Variants in CFAP52 observed in about 807,000 individuals in gnomAD.
The protein encoded by CFAP52 is cilia and flagella associated protein 52.
In CFAP52, 57 loss-of-function variants were observed where a neutral mutation model predicts 70.5. The ratio of observed to expected loss-of-function variants is 0.81; its 90% CI spans 0.65 to 1.01. The LOEUF (loss-of-function observed/expected upper bound fraction) is 1.01. Among genes scored for constraint, CFAP52 ranks in the 50% least tolerant of loss-of-function variants. The pLI, the probability that CFAP52 is intolerant of heterozygous loss-of-function variation, is 0.00. For missense variants in CFAP52, 785 were observed against 788.5 expected (o/e 1.00, Z 0.05); for synonymous variants, 267 against 292.5 (o/e 0.91, Z 0.89).
At chr17:9,622,336 C>A (rs1910073346) in intron 8 of CFAP52, among the ~76,000 whole-genome samples, 1 of 151,984 alleles carries the variant, frequency 6.6e-6, no homozygotes, top group African/African-American at 2.4e-5. Flanking sequence ...TAATTAAAGC[C>A]CAGGAGTTTG....
chr17:9,597,828 A>G (rs1909084001), intron 4 of CFAP52, among the ~76,000 whole-genome samples: 1 of 149,806 alleles, frequency 6.7e-6, no homozygotes, highest in African/African-American at 2.5e-5. Context: ...AGAGAGAGAG[A>G]GAAAGAGAGA....
rs1908441294 is a variant in CFAP52 at position 9,585,828 on chromosome 17, T to G, written c.126T>G (p.Pro42=). 5 of 1,614,092 alleles carry G rather than the reference T, an allele frequency of 3.1e-6. No homozygotes were observed. The highest frequency in any genetic ancestry group is 4.2e-6 in the Non-Finnish European group (5 of 1,180,036). Residue 42 remains proline (P), a synonymous_variant, in exon 2 of 14, where the codon CCT becomes CCG. Transcript: ENST00000352665. ...CTGACCAGGAGCATATGATTTATCCTCTTGGTTGCACAGTCCTCATTCAGG... is the reference window on the plus strand; with the variant it reads ...CTGACCAGGAGCATATGATTTATCCGCTTGGTTGCACAGTCCTCATTCAGG... ...CHPDQEHMIY[P]LGCTVLIQAI...
intron 1 of CFAP52, among the ~76,000 whole-genome samples, chr17:9,580,683 G>A (rs1187945342): frequency 1.3e-5 from 1 of 78,464 alleles, no homozygotes; most frequent in African/African-American, 3.7e-5. Flanking sequence ...AGTGAGACCT[G>A]GTCTCAAAAA....
rs1183878434 is a variant in CFAP52, at chr17:9,630,990, AAAAGAAAG to A, written c.1175-1864_1175-1857del. On this transcript the variant is annotated intron_variant, in intron 9 of 13. Coordinates refer to ENST00000352665, the MANE Select transcript of CFAP52 (RefSeq NM_145054.5). The stretch of plus-strand genomic sequence containing the variant: ...AACAGAGCCAGACTCCATCTCAAAA[AAAAGAAAG>A]AAAGAAAGAAAGAAAGAAAGAAAGA... Among the ~76,000 whole-genome samples, 15 of 97,580 alleles carry A rather than the reference AAAAGAAAG, an allele frequency of 1.5e-4. 1 individual carries two copies. The East Asian group carries it at 3.6e-3, about 24-fold the overall frequency. 64.0% of individuals were successfully genotyped at this position (97,580 alleles called of 152,430 possible).
At chr17:9,581,160 C>A (rs533183922) in intron 1 of CFAP52, among the ~76,000 whole-genome samples, 3 of 152,006 alleles carry the variant, frequency 2.0e-5, no homozygotes, top group Non-Finnish European at 4.4e-5. Context: ...ACTAAAAATA[C>A]CAAAAAATTA....
At chr17:9,615,933 C>T (rs1047131296) in intron 8 of CFAP52, among the ~76,000 whole-genome samples, 7 of 151,596 alleles carry the variant, frequency 4.6e-5, no homozygotes, top group Non-Finnish European at 1.0e-4. Flanking sequence ...AGGCATGAGC[C>T]ACTGCAGTCA....
intron 12 of CFAP52, chr17:9,639,254 A>G (rs1910947469): frequency 6.6e-6 from 1 of 152,386 alleles, no homozygotes; most frequent in East Asian, 1.9e-4. Context: ...ACATGGTGAA[A>G]CCCCATCTCT....
intron 6 of CFAP52, among the ~76,000 whole-genome samples, chr17:9,601,226 C>T (rs1270198917): frequency 1.4e-5 from 2 of 138,592 alleles, no homozygotes; most frequent in African/African-American, 5.5e-5. Context: ...AACACATGGA[C>T]CCGGGAAAGG....
At position 9,600,073 on chromosome 17, in the gene CFAP52, G is replaced by A. The variant is rs2151936283; in HGVS notation, c.643G>A (p.Asp215Asn). Residue 215 changes from aspartate (D) to asparagine (N), a missense_variant, in exon 6 of 14, where the codon GAT (aspartate) becomes AAT (asparagine). Asp to Asn is a conservative substitution (Grantham distance 23). Coordinates refer to ENST00000352665, the MANE Select transcript of CFAP52 (RefSeq NM_145054.5). The stretch of plus-strand genomic sequence containing the variant: ...CTTTTTCTTGCTTCTTCAGGTGGAT[G>A]ATGATGATAGCTTTTTCTACCTTGG... ...KRIVMSIGVD[D>N]DDSFFYLGTT... 1 of 1,613,184 alleles carries A rather than the reference G, an allele frequency of 6.2e-7. No homozygotes were observed. The highest frequency in any genetic ancestry group is 8.5e-7 in the Non-Finnish European group (1 of 1,179,424).
rs535131287 is a variant in CFAP52 at position 9,614,778 on chromosome 17, C to T, written c.1025+2299C>T. 1.9e-4 allele frequency among the ~76,000 whole-genome samples: 29 copies of T among 152,258 alleles called. 1 individual carries two copies. In the South Asian group the frequency reaches 2.1e-3, roughly 11 times the overall value. The stretch of plus-strand genomic sequence containing the variant: ...ATTCCTGGGCTCTACCCATCAGACG[C>T]GAGTAGCAGCTCCTTCCCTGCAATT... On this transcript the variant is annotated intron_variant, in intron 8 of 13. Transcript: ENST00000352665.
In CFAP52 at chr17:9,635,354, C is replaced by T. The variant is rs374150822; in HGVS notation, c.1321-51C>T. The T allele has an allele frequency of 1.8e-5, 28 of 1,599,028 alleles. No individual in the cohort carries two copies. In the South Asian group the frequency reaches 2.6e-4, roughly 15 times the overall value. ...AAAGCTCTTGGAATCTTTTCCTATC[C>T]CTTCAGAAGTCCCAAGTGTGGATCA... is the stretch of plus-strand genomic sequence containing the variant. On this transcript the variant is annotated intron_variant, in intron 10 of 13. Transcript: ENST00000352665.
At chr17:9,590,419 C>T in intron 3 of CFAP52, 1 of 205,054 alleles carries the variant, frequency 4.9e-6, no homozygotes. Flanking sequence ...TCCAACCAGA[C>T]CTTCTTTTTG....
Position 9,586,281 on chromosome 17 carries a change from G to A in CFAP52, c.270+309G>A, listed in dbSNP as rs116952958. On this transcript the variant is annotated intron_variant, in intron 2 of 13. Coordinates refer to ENST00000352665, the MANE Select transcript of CFAP52 (RefSeq NM_145054.5). ...CCGATTTCTAGAAAAGTGATAGAGC[G>A]GGCTGGGCGCGGTGGCTCATGCCTG... 8.1e-3 allele frequency among the ~76,000 whole-genome samples: 1,232 copies of A among 152,028 alleles called. 9 individuals carry two copies. The highest frequency in any genetic ancestry group is 9.0e-3 in the Non-Finnish European group (613 of 67,956).
At chr17:9,609,953 T>C (rs1909649771) in intron 7 of CFAP52, among the ~76,000 whole-genome samples, 1 of 151,590 alleles carries the variant, frequency 6.6e-6, no homozygotes, top group African/African-American at 2.4e-5. Context: ...GACAACCTCA[T>C]GGAATAGACA....
intron 8 of CFAP52, among the ~76,000 whole-genome samples, chr17:9,622,450 G>A (rs1774976213): frequency 6.6e-6 from 1 of 151,896 alleles, no homozygotes; most frequent in African/African-American, 2.4e-5. Flanking sequence ...CAGCTACTCG[G>A]GAGGCTAAGG....
At position 9,628,941 on chromosome 17, in the gene CFAP52, C is replaced by A. The variant is rs77481032; in HGVS notation, c.1174+121C>A. ...TAGAACAGCCTCCCACTGTCCACCC[C>A]CTTCTTGCTTCTAATCTAGCCTCTC... On this transcript the variant is annotated intron_variant, in intron 9 of 13. Coordinates refer to ENST00000352665, the MANE Select transcript of CFAP52 (RefSeq NM_145054.5). 1.1e-5 allele frequency: 15 copies of A among 1,415,266 alleles called. No individual in the cohort carries two copies. The East Asian group carries it at 1.4e-4, about 13-fold the overall frequency. The allele number at this position is 1,415,266 out of a possible 1,614,324, so 87.7% of individuals were successfully genotyped here.
At chr17:9,642,925 C>A in intron 13 of CFAP52, 98 bp from the exon 14 acceptor site, 3 of 1,032,740 alleles carry the variant, frequency 2.9e-6, no homozygotes, top group Non-Finnish European at 4.0e-6. Context: ...AAGACAGATA[C>A]ATGGGGACCA....
chr17:9,591,656 A>G (rs1016787622), intron 3 of CFAP52, among the ~76,000 whole-genome samples: 2 of 152,156 alleles, frequency 1.3e-5, no homozygotes, highest in Non-Finnish European at 2.9e-5. Context: ...GGCGGAAAGG[A>G]TCACTTGAGC....
chr17:9,583,377 G>A (rs1356660216), intron 1 of CFAP52, among the ~76,000 whole-genome samples: 1 of 151,932 alleles, frequency 6.6e-6, no homozygotes, highest in Non-Finnish European at 1.5e-5. Flanking sequence ...AAATTCCAGA[G>A]GGAGTTAAAT....
Sources: gnomAD v4.1 joint callset for allele counts (sites outside exome capture counted in the v4.1 genomes callset) on GRCh38, gnomAD v4.1.1 for gene constraint, MANE v1.5 for transcripts, NCBI Gene and HGNC (gene_info 2026-07-23, HGNC 2026-07-21) for gene names.